The following ESRRG variants were observed in gnomAD, a reference collection of about 807,000 sequenced individuals.
ESRRG encodes the protein estrogen-related receptor gamma.
ESRRG carries 13 observed loss-of-function variants against 44.0 expected under a neutral mutation model. The ratio of observed to expected loss-of-function variants is 0.30; its 90% CI spans 0.19 to 0.47. ESRRG has a LOEUF of 0.47. Ranked by LOEUF, ESRRG falls within the 20% of genes least tolerant of loss-of-function variation. The probability of loss-of-function intolerance (pLI) is 1.00; values close to 1 mark genes in which losing one functional copy is unlikely to be tolerated. For synonymous variants in ESRRG, 215 were observed against 214.6 expected (o/e 1.00, Z -0.02); for missense variants, 395 against 580.6 (o/e 0.68, Z 3.29).
chr1:216,517,082 G>C (rs1435527604), intron 6 of ESRRG, among the ~76,000 whole-genome samples: 3 of 152,056 alleles, frequency 2.0e-5, no homozygotes, highest in Non-Finnish European at 4.4e-5. Flanking sequence ...GTATTGAGGG[G>C]CTAAGTCAAT....
chr1:216,646,783 C>CT (rs1353877592), intron 3 of ESRRG, among the ~76,000 whole-genome samples: 1 of 152,068 alleles, frequency 6.6e-6, no homozygotes, highest in East Asian at 1.9e-4. Flanking sequence ...AAAAAGCACA[C>CT]TTTTTTGGCA....
At chr1:216,741,818 TG>T (rs1449546656) in intron 2 of ESRRG, among the ~76,000 whole-genome samples, 1 of 152,170 alleles carries the variant, frequency 6.6e-6, no homozygotes, top group Non-Finnish European at 1.5e-5. Context: ...CTTTCGTACA[TG>T]GGTGCTTGGA....
rs1170150831 is a variant in ESRRG, at chr1:216,723,224, G to T, written c.56+20C>A. ...GCACCCCCACGACGAGTTTAAAAAG[G>T]AAAGAAAAAAGGTACCTACTCTTCC... is the stretch of plus-strand genomic sequence containing the variant. On this transcript the variant is annotated intron_variant, in intron 1 of 6. Transcript: ENST00000408911. 1 of 1,602,908 alleles carries T rather than the reference G, an allele frequency of 6.2e-7. No homozygotes were observed. Among genetic ancestry groups the T allele is most frequent in the Non-Finnish European group, 8.5e-7 (1 of 1,170,470 alleles).
chr1:216,684,004 G>A (rs1314365807), intron 1 of ESRRG, among the ~76,000 whole-genome samples: 2 of 152,166 alleles, frequency 1.3e-5, no homozygotes, highest in African/African-American at 4.8e-5. Flanking sequence ...TTGAAATGGA[G>A]ACAATTCATT....
chr1:216,994,230 A>G (rs1192678598), intron 1 of ESRRG, among the ~76,000 whole-genome samples: 1 of 152,164 alleles, frequency 6.6e-6, no homozygotes, highest in East Asian at 1.9e-4. Context: ...TTTTGTCTAG[A>G]CATTAAGCAG....
At chr1:216,933,213 A>T (rs988050978) in intron 2 of ESRRG, among the ~76,000 whole-genome samples, 2 of 152,116 alleles carry the variant, frequency 1.3e-5, no homozygotes, top group African/African-American at 4.8e-5. Context: ...TATATTGACA[A>T]TATATGCTAA....
chr1:217,074,101 G>A (rs1400205131), intron 1 of ESRRG, among the ~76,000 whole-genome samples: 2 of 147,418 alleles, frequency 1.4e-5, no homozygotes, highest in Non-Finnish European at 3.0e-5. Context: ...GGGCTGGTGT[G>A]CAATGGCACA....
chr1:217,000,798 C>T (rs948141982), intron 1 of ESRRG: 9 of 152,224 alleles, frequency 5.9e-5, no homozygotes, highest in Non-Finnish European at 1.2e-4. Flanking sequence ...AGCATTGGTC[C>T]CATGCAGCAA....
chr1:216,928,228 T>C (rs114621821), intron 2 of ESRRG, among the ~76,000 whole-genome samples: 83 of 152,286 alleles, frequency 5.5e-4, no homozygotes, highest in African/African-American at 1.9e-3. Context: ...TCCTTCACCA[T>C]TGAATTTTTC....
chr1:216,902,339 A>C (rs1349095747), intron 2 of ESRRG, among the ~76,000 whole-genome samples: 1 of 152,082 alleles, frequency 6.6e-6, no homozygotes, highest in African/African-American at 2.4e-5. Flanking sequence ...AAATACAAAA[A>C]TTATCTTGGT....
intron 1 of ESRRG, among the ~76,000 whole-genome samples, chr1:217,078,935 C>G (rs577565988): frequency 1.2e-4 from 19 of 152,222 alleles, no homozygotes; most frequent in African/African-American, 4.6e-4. Context: ...CTGGGGATGG[C>G]TGCAAAACTT....
chr1:216,634,997 GCT>G (rs985466473), intron 3 of ESRRG, among the ~76,000 whole-genome samples: 2 of 147,972 alleles, frequency 1.4e-5, no homozygotes, highest in South Asian at 4.3e-4. Context: ...TTTTTTCTTT[GCT>G]CTCTCTCTCT....
chr1:216,734,929 G>A (rs1345699252), intron 2 of ESRRG, among the ~76,000 whole-genome samples: 3 of 89,358 alleles, frequency 3.4e-5, no homozygotes, highest in African/African-American at 1.4e-4. Flanking sequence ...TTTTTTTTGA[G>A]ACGGAGTCTT....
At chr1:217,101,760 G>GT (rs11450282) in intron 1 of ESRRG, among the ~76,000 whole-genome samples, 24,803 of 151,466 alleles carry the variant, frequency 0.16, 2,264 homozygotes, top group Middle Eastern at 0.24. Flanking sequence ...ATTCTTGTGT[G>GT]TGTATGTGTT....
chr1:216,940,484 G>A (rs1468866378), intron 1 of ESRRG, among the ~76,000 whole-genome samples: 1 of 152,216 alleles, frequency 6.6e-6, no homozygotes, highest in South Asian at 2.1e-4. Flanking sequence ...GGTGAGAAGG[G>A]AGAAGAGAAG....
chr1:217,119,002 G>A (rs2092778040), intron 1 of ESRRG, among the ~76,000 whole-genome samples: 1 of 118,084 alleles, frequency 8.5e-6, no homozygotes, highest in African/African-American at 3.0e-5. Context: ...CTAGAAACTA[G>A]ATGGATAGAT....
chr1:216,638,725 A>G (rs2065798914), intron 3 of ESRRG, among the ~76,000 whole-genome samples: 1 of 152,204 alleles, frequency 6.6e-6, no homozygotes, highest in African/African-American at 2.4e-5. Context: ...TCACAAAGTG[A>G]ATGGTATGGA....
At chr1:216,592,432 A>T (rs192486450) in intron 3 of ESRRG, among the ~76,000 whole-genome samples, 1 of 151,554 alleles carries the variant, frequency 6.6e-6, no homozygotes, top group Admixed American at 6.6e-5. Flanking sequence ...CTTTTTCCAC[A>T]CCTCTTATAT....
chr1:216,954,625 G>T lies in ESRRG; in HGVS notation c.-105-14952C>A, dbSNP rs373222633. On this transcript the variant is annotated intron_variant, in intron 1 of 7. Coordinates refer to the ESRRG transcript ENST00000359162. ...AGATCATGCCTTGAGCATTCCACCA[G>T]TTGAACAATATTCTGATTACCTAAT... Among the ~76,000 whole-genome samples the T allele has an allele frequency of 1.2e-3, 188 of 152,192 alleles. 1 individual carries two copies. The highest frequency in any genetic ancestry group is 4.3e-3 in the African/African-American group (180 of 41,530).
Sources: gnomAD v4.1 joint callset for allele counts (sites outside exome capture counted in the v4.1 genomes callset) on GRCh38, gnomAD v4.1.1 for gene constraint, MANE v1.5 for transcripts, NCBI Gene and HGNC (gene_info 2026-07-23, HGNC 2026-07-21) for gene names.